TCF25: variants seen among roughly 807,000 people sequenced by gnomAD.
TCF25 encodes ribosome quality control complex subunit TCF25.
Under a neutral mutation model 83.1 loss-of-function variants are expected in TCF25, and 41 were observed. That is an observed-to-expected ratio of 0.49 (90% CI 0.38 to 0.64). The LOEUF (loss-of-function observed/expected upper bound fraction) is 0.64, where lower values mean the gene tolerates loss of function less well. Ranked by LOEUF, TCF25 falls within the 30% of genes least tolerant of loss-of-function variation. TCF25 has a pLI of 0.00. For synonymous variants in TCF25, 458 were observed against 365.0 expected (o/e 1.25, Z -2.90); for missense variants, 979 against 914.5 (o/e 1.07, Z -0.91).
intron 5 of TCF25, 39 bp downstream of exon 5, chr16:89,887,756 A>G: frequency 6.6e-7 from 1 of 1,519,400 alleles, no homozygotes; most frequent in Non-Finnish European, 8.8e-7. Flanking sequence ...CAGCTGCTTC[A>G]TTCCTTCTTA....
At chr16:89,907,985 CCCGCCTCCCACCTCCCAGCTA>C (rs1369652981) in intron 16 of TCF25, among the ~76,000 whole-genome samples, 3 of 135,744 alleles carry the variant, frequency 2.2e-5, no homozygotes, top group Non-Finnish European at 1.6e-5. Context: ...CCTCCCAGCT[CCCGCCTCCCACCTCCCAGCTA>C]CCGCCTCCCT....
chr16:89,881,828 C>G (rs1037318132), intron 1 of TCF25, among the ~76,000 whole-genome samples: 1 of 152,120 alleles, frequency 6.6e-6, no homozygotes, highest in Non-Finnish European at 1.5e-5. Context: ...AATCTTGGCT[C>G]GCTGCAACCT....
In TCF25 at chr16:89,904,988, A is replaced by G. The variant is rs760653329; in HGVS notation, c.1520A>G (p.His507Arg). 6.2e-7 allele frequency: 1 copy of G among 1,607,738 alleles called. No individual in the cohort carries two copies. The highest frequency in any genetic ancestry group is 1.3e-5 in the African/African-American group (1 of 74,750). ...QLVNLYLGRS[H>R]FLWKEPATMS... ...GTGAACCTGTACCTTGGGAGGTCAC[A>G]CTTTCTCTGGAAAGAGCCCGCCACC... The change falls in exon 14 of 18, where the codon CAC (histidine) becomes CGC (arginine). Residue 507 changes from histidine (H) to arginine (R), a missense_variant. Transcript: ENST00000263346.
At position 89,875,820 on chromosome 16, in the gene TCF25, C is replaced by CTTTTTTTTTTTTTTTTTTTT. The variant is rs1164528945; in HGVS notation, c.192+1970_192+1989dup. On this transcript the variant is annotated intron_variant, in intron 1 of 17. Coordinates refer to ENST00000263346, the MANE Select transcript of TCF25 (RefSeq NM_014972.3). Reference sequence around the variant, plus strand: ...TACAGGCGTGAGCCACTGCGCCTGGCTTTTTTTTTTTTTTTTTTTTTTTTT... The same window carrying CTTTTTTTTTTTTTTTTTTTT: ...TACAGGCGTGAGCCACTGCGCCTGGCTTTTTTTTTTTTTTTTTTTTTTTTTTTTTTTTTTTTTTTTTTTTT... Among the ~76,000 whole-genome samples, 5 of 64,836 alleles carry CTTTTTTTTTTTTTTTTTTTT rather than the reference C, an allele frequency of 7.7e-5. 2 individuals carry two copies. The highest frequency in any genetic ancestry group is 5.5e-4 in the South Asian group (1 of 1,814). 42.5% of individuals were successfully genotyped at this position (64,836 alleles called of 152,430 possible). A position where few individuals can be genotyped will look rare whatever the true frequency, so the allele number is the denominator to read the frequency against.
At chr16:89,899,808 C>T (rs758414712) in intron 11 of TCF25, among the ~76,000 whole-genome samples, 5 of 152,128 alleles carry the variant, frequency 3.3e-5, no homozygotes, top group East Asian at 1.9e-4. Context: ...TGGAAGGACA[C>T]GGGCTTTGTA....
At chr16:89,907,717 G>A (rs550369559) in intron 16 of TCF25, among the ~76,000 whole-genome samples, 1 of 15,996 alleles carries the variant, frequency 6.3e-5, no homozygotes, top group Non-Finnish European at 1.2e-4. Context: ...GCCACCTCCC[G>A]CCTCCCACCT....
intron 12 of TCF25, among the ~76,000 whole-genome samples, chr16:89,901,251 C>A (rs542256797): frequency 9.8e-5 from 15 of 152,390 alleles, no homozygotes; most frequent in Admixed American, 6.5e-4. Context: ...ATCTGGGTAG[C>A]TTCGATCCAC....
At chr16:89,891,877 C>T (rs1001828099) in intron 5 of TCF25, among the ~76,000 whole-genome samples, 4 of 152,056 alleles carry the variant, frequency 2.6e-5, no homozygotes, top group South Asian at 2.1e-4. Context: ...GCTGTCTTGC[C>T]CAGGCCAGTC....
intron 9 of TCF25, 34 bp from the exon 10 acceptor site, chr16:89,898,523 C>T (rs769164849): frequency 5.3e-6 from 8 of 1,523,688 alleles, no homozygotes; most frequent in African/African-American, 3.3e-5. Flanking sequence ...TCCTTTGTGT[C>T]GTTGTAATTC....
intron 1 of TCF25, among the ~76,000 whole-genome samples, chr16:89,875,528 T>G (rs899776428): frequency 5.9e-5 from 8 of 135,586 alleles, no homozygotes; most frequent in African/African-American, 2.0e-4. Flanking sequence ...TTTTTTTTTT[T>G]TTTTTTTTTT....
At chr16:89,897,473 C>T (rs1434394922) in intron 9 of TCF25, among the ~76,000 whole-genome samples, 2 of 152,272 alleles carry the variant, frequency 1.3e-5, no homozygotes, top group African/African-American at 2.4e-5. Context: ...ACCCTCTCAG[C>T]CCTCCTGGCA....
chr16:89,910,473 C>T (rs1196630653), intron 16 of TCF25, 118 bp from the exon 17 acceptor site: 1 of 1,001,152 alleles, frequency 1.0e-6, no homozygotes, highest in Non-Finnish European at 1.5e-6. Flanking sequence ...GCTCTGCCCC[C>T]TGGCGGCCCC....
At chr16:89,894,008 C>A in intron 7 of TCF25, 150 bp downstream of exon 7, 1 of 1,172,824 alleles carries the variant, frequency 8.5e-7, no homozygotes, top group Non-Finnish European at 1.2e-6. Flanking sequence ...CGGTCTGGCC[C>A]TGTGACCAGA....
At chr16:89,887,025 A>T (rs1264154943) in intron 4 of TCF25, among the ~76,000 whole-genome samples, 1 of 152,152 alleles carries the variant, frequency 6.6e-6, no homozygotes, top group Non-Finnish European at 1.5e-5. Context: ...TATGTATATT[A>T]GAGAGTTCCT....
chr16:89,873,834 T>G lies in TCF25; in HGVS notation c.167T>G (p.Val56Gly), dbSNP rs373492730. 189 of 1,553,856 alleles carry G rather than the reference T, an allele frequency of 1.2e-4. No homozygotes were observed. The highest frequency in any genetic ancestry group is 1.2e-3 in the Middle Eastern group (7 of 5,898). The change falls in exon 1 of 18, where the codon GTC becomes GGC. Residue 56 changes from valine to glycine, a missense_variant. Physicochemically the swap from Val to Gly is moderately radical, Grantham distance 109. Coordinates refer to ENST00000263346, the MANE Select transcript of TCF25 (RefSeq NM_014972.3). ...RRPGGAGKEG[V>G]RVNNRFELIN... The stretch of plus-strand genomic sequence containing the variant: ...CCCGGGGGCGCAGGGAAGGAGGGCG[T>G]CCGAGTCAACAACCGCTTCGAGCTG...
intron 11 of TCF25, among the ~76,000 whole-genome samples, chr16:89,900,116 T>C (rs2044192837): frequency 6.6e-6 from 1 of 152,236 alleles, no homozygotes; most frequent in East Asian, 1.9e-4. Flanking sequence ...ACTGTGAGTC[T>C]GTGATCCCAT....
intron 6 of TCF25, 128 bp from the exon 7 acceptor site, chr16:89,893,600 C>A: frequency 6.9e-7 from 1 of 1,445,826 alleles, no homozygotes; most frequent in Non-Finnish European, 9.4e-7. Flanking sequence ...CCCATGAGTA[C>A]ACACTCAGGT....
intron 16 of TCF25, among the ~76,000 whole-genome samples, chr16:89,908,704 C>T (rs1332468726): frequency 4.6e-4 from 13 of 28,256 alleles, no homozygotes; most frequent in East Asian, 9.8e-4. Context: ...CGCCTCCCAG[C>T]TCCCACCTCC....
chr16:89,907,371 CCCAGTT>C (rs2044902371), intron 16 of TCF25, 49 bp downstream of exon 16: 3 of 91,836 alleles, frequency 3.3e-5, no homozygotes, highest in Non-Finnish European at 5.9e-5. Flanking sequence ...CCTCCCTCCT[CCCAGTT>C]CCCAGCTCCC....
Sources: gnomAD v4.1 joint callset for allele counts (sites outside exome capture counted in the v4.1 genomes callset) on GRCh38, gnomAD v4.1.1 for gene constraint, MANE v1.5 for transcripts, NCBI Gene and HGNC (gene_info 2026-07-23, HGNC 2026-07-21) for gene names.